NFIB: variants seen among roughly 807,000 people sequenced by gnomAD.
NFIB encodes the protein nuclear factor 1 B-type.
A neutral mutation model predicts 61.5 loss-of-function variants in NFIB; 11 were observed. The observed-to-expected ratio is 0.18, with a 90% CI of 0.11 to 0.30. The LOEUF (loss-of-function observed/expected upper bound fraction) is 0.30. NFIB is among the 10% of genes least tolerant of loss of function. The probability of loss-of-function intolerance (pLI) is 1.00; values close to 1 mark genes in which losing one functional copy is unlikely to be tolerated. For missense variants in NFIB, 471 were observed against 608.9 expected (o/e 0.77, Z 2.38); for synonymous variants, 260 against 216.5 (o/e 1.20, Z -1.76).
chr9:14,241,004 C>T lies in NFIB; in HGVS notation c.563-61224G>A, dbSNP rs188140893. On this transcript the variant is annotated intron_variant, in intron 2 of 10. Transcript: ENST00000380953. ...CAGGGCTGTCTTCATTTTGGTAATT[C>T]AGGGTTTCTTCTCTACTCTCACAGT... 3.2e-3 allele frequency among the ~76,000 whole-genome samples: 482 copies of T among 152,322 alleles called. 1 individual carries two copies. The highest frequency in any genetic ancestry group is 5.7e-3 in the Non-Finnish European group (387 of 68,024).
In NFIB at chr9:14,338,939, G is replaced by C. The variant is rs529867738; in HGVS notation, c.109-31419C>G. The stretch of plus-strand genomic sequence containing the variant: ...TACTGTCACCAATCACGTTAACCCA[G>C]CAATTGCCTAAATAGAGAAAAGATG... On this transcript the variant is annotated intron_variant, in intron 1 of 8. Transcript: ENST00000380934. Among the ~76,000 whole-genome samples the C allele has an allele frequency of 2.0e-5, 3 of 150,148 alleles. No individual in the cohort carries two copies. In the East Asian group the frequency reaches 5.9e-4, roughly 30 times the overall value.
rs117183069 is a variant in NFIB at position 14,390,001 on chromosome 9, T to C, written c.108+8523A>G. Among the ~76,000 whole-genome samples, 514 of 152,348 alleles carry C rather than the reference T, an allele frequency of 3.4e-3. 2 individuals carry two copies. The highest frequency in any genetic ancestry group is 5.7e-3 in the Non-Finnish European group (385 of 68,028). On this transcript the variant is annotated intron_variant, in intron 1 of 8. Coordinates refer to the NFIB transcript ENST00000380934. Reference sequence around the variant, plus strand: ...TTAGCACTACCTCTGAAGATACTTATTTTAGATTAGAACTACTAACTAAAG... The same window carrying C: ...TTAGCACTACCTCTGAAGATACTTACTTTAGATTAGAACTACTAACTAAAG...
the NFIB span, among the ~76,000 whole-genome samples, chr9:14,448,437 TA>T: frequency 6.6e-6 from 1 of 152,204 alleles, no homozygotes; most frequent in Non-Finnish European, 1.5e-5. Context: ...TTATATATTC[TA>T]AGAGTTGAAA....
chr9:14,157,900 C>G (rs1049404359), intron 3 of NFIB, among the ~76,000 whole-genome samples: 3 of 152,104 alleles, frequency 2.0e-5, no homozygotes, highest in African/African-American at 7.2e-5. Flanking sequence ...ATCACAAGAT[C>G]AGGAGTTTGA....
intron 3 of NFIB, among the ~76,000 whole-genome samples, chr9:14,178,839 A>G (rs2046442589): frequency 6.6e-6 from 1 of 152,100 alleles, no homozygotes; most frequent in Admixed American, 6.5e-5. Flanking sequence ...AACTAAGTCT[A>G]CCTGAGGAAA....
At chr9:14,235,177 C>T (rs1442981011) in intron 2 of NFIB, among the ~76,000 whole-genome samples, 1 of 152,134 alleles carries the variant, frequency 6.6e-6, no homozygotes, top group African/African-American at 2.4e-5. Context: ...GAAAAAAAGA[C>T]TTCACACTAA....
chr9:14,115,218 GT>G (rs1331191372), intron 9 of NFIB, among the ~76,000 whole-genome samples: 1 of 151,866 alleles, frequency 6.6e-6, no homozygotes, highest in East Asian at 1.9e-4. Flanking sequence ...GAAAGAATGA[GT>G]GGTGCATGCC....
chr9:14,481,238 T>TATA, the NFIB span, among the ~76,000 whole-genome samples: 7 of 130,932 alleles, frequency 5.3e-5, no homozygotes, highest in Non-Finnish European at 9.8e-5. Flanking sequence ...TATATGTAGC[T>TATA]TAGCATCCCA....
intron 6 of NFIB, among the ~76,000 whole-genome samples, chr9:14,142,519 G>A (rs944084711): frequency 6.6e-6 from 1 of 152,000 alleles, no homozygotes; most frequent in African/African-American, 2.4e-5. Flanking sequence ...AGAGTAACTT[G>A]AATTAGACGA....
intron 1 of NFIB, among the ~76,000 whole-genome samples, chr9:14,384,516 T>C (rs2061526872): frequency 6.6e-6 from 1 of 152,194 alleles, no homozygotes; most frequent in Non-Finnish European, 1.5e-5. Context: ...CCAAACCTGA[T>C]CCTTGCTACT....
chr9:14,333,104 C>T (rs1161118999), intron 1 of NFIB, among the ~76,000 whole-genome samples: 1 of 152,196 alleles, frequency 6.6e-6, no homozygotes, highest in Non-Finnish European at 1.5e-5. Flanking sequence ...ACCTTGGTCT[C>T]TCCTTGGCAG....
the NFIB span, among the ~76,000 whole-genome samples, chr9:14,505,796 C>A: frequency 6.6e-6 from 1 of 152,124 alleles, no homozygotes; most frequent in Non-Finnish European, 1.5e-5. Context: ...GGTGGGAATT[C>A]TTCAAGGGCT....
At chr9:14,242,115 A>G (rs2054428911) in intron 2 of NFIB, among the ~76,000 whole-genome samples, 1 of 152,194 alleles carries the variant, frequency 6.6e-6, no homozygotes, top group South Asian at 2.1e-4. Flanking sequence ...AATATGTTAA[A>G]CCTCAATTAC....
the NFIB span, among the ~76,000 whole-genome samples, chr9:14,500,502 T>G: frequency 6.6e-6 from 1 of 152,184 alleles, no homozygotes; most frequent in Non-Finnish European, 1.5e-5. Context: ...GTTTCCATCA[T>G]GTGGATCAGT....
chr9:14,284,845 C>G (rs1156485554), intron 2 of NFIB, among the ~76,000 whole-genome samples: 1 of 152,136 alleles, frequency 6.6e-6, no homozygotes, highest in Admixed American at 6.5e-5. Flanking sequence ...ACCATGATAC[C>G]TATTCTTGAA....
At chr9:14,153,529 T>TA (rs1185590497) in intron 4 of NFIB, among the ~76,000 whole-genome samples, 4 of 152,226 alleles carry the variant, frequency 2.6e-5, no homozygotes, top group Admixed American at 1.3e-4. Flanking sequence ...TTCTAAGGGT[T>TA]AGAGGCCAAC....
At chr9:14,100,602 G>A (rs2035623167) in intron 10 of NFIB, among the ~76,000 whole-genome samples, 1 of 152,138 alleles carries the variant, frequency 6.6e-6, no homozygotes, top group Non-Finnish European at 1.5e-5. Flanking sequence ...CCCAGCTACG[G>A]AGGGGGCTGA....
chr9:14,482,062 GC>G, the NFIB span, among the ~76,000 whole-genome samples: 1 of 138,390 alleles, frequency 7.2e-6, no homozygotes, highest in South Asian at 2.4e-4. Context: ...CTGAGACGAT[GC>G]CCCACCCCCC....
chr9:14,192,003 A>G (rs2131561173), intron 2 of NFIB, among the ~76,000 whole-genome samples: 1 of 152,334 alleles, frequency 6.6e-6, no homozygotes, highest in Non-Finnish European at 1.5e-5. Flanking sequence ...CTTGGTTACA[A>G]GACCAGTTGA....
Sources: gnomAD v4.1 joint callset for allele counts (sites outside exome capture counted in the v4.1 genomes callset) on GRCh38, gnomAD v4.1.1 for gene constraint, MANE v1.5 for transcripts, NCBI Gene and HGNC (gene_info 2026-07-23, HGNC 2026-07-21) for gene names.